Variants in HEMK2 observed in about 807,000 individuals in gnomAD.
HEMK2 encodes the protein methyltransferase HEMK2.
At chr21:28,755,968 T>A in the HEMK2 span, among the ~76,000 whole-genome samples, 1 of 152,196 alleles carries the variant, frequency 6.6e-6, no homozygotes, top group African/African-American at 2.4e-5. Flanking sequence ...TTAAAATATA[T>A]GTGTGAGCCC....
At chr21:28,802,061 G>C in the HEMK2 span, among the ~76,000 whole-genome samples, 1 of 152,160 alleles carries the variant, frequency 6.6e-6, no homozygotes, top group South Asian at 2.1e-4. Flanking sequence ...GCAAAATGAT[G>C]AGTGTACAAA....
the HEMK2 span, among the ~76,000 whole-genome samples, chr21:28,704,557 C>CA: frequency 0.065 from 8,354 of 129,086 alleles, 294 homozygotes; most frequent in Non-Finnish European, 0.099. Context: ...AAGGTTTTGG[C>CA]AAAAAAAAAA....
chr21:28,809,833 A>T, the HEMK2 span, among the ~76,000 whole-genome samples: 63 of 152,308 alleles, frequency 4.1e-4, 1 homozygote, highest in African/African-American at 1.4e-3. Flanking sequence ...ATCTATCTTG[A>T]TGCCATCCAA....
the HEMK2 span, among the ~76,000 whole-genome samples, chr21:28,606,176 G>C: frequency 6.6e-6 from 1 of 152,148 alleles, no homozygotes; most frequent in Admixed American, 6.5e-5. Context: ...GTAACATGGC[G>C]GGCAATCCAA....
the HEMK2 span, among the ~76,000 whole-genome samples, chr21:28,877,805 C>T: frequency 1.3e-5 from 2 of 151,946 alleles, no homozygotes; most frequent in African/African-American, 4.8e-5. Context: ...AAAATCTATA[C>T]AATTAAATAG....
At chr21:28,792,922 T>A in the HEMK2 span, among the ~76,000 whole-genome samples, 1 of 152,238 alleles carries the variant, frequency 6.6e-6, no homozygotes, top group East Asian at 1.9e-4. Flanking sequence ...CCCAGAGGAT[T>A]CAATGTGCAA....
the HEMK2 span, among the ~76,000 whole-genome samples, chr21:28,677,910 C>A: frequency 6.6e-6 from 1 of 152,158 alleles, no homozygotes; most frequent in Non-Finnish European, 1.5e-5. Flanking sequence ...TCACCATCAT[C>A]AAAGACCAAA....
At chr21:28,830,419 CG>C in the HEMK2 span, among the ~76,000 whole-genome samples, 35 of 152,278 alleles carry the variant, frequency 2.3e-4, no homozygotes, top group Non-Finnish European at 4.1e-4. Flanking sequence ...TCTGCCATGA[CG>C]GTAAGTTTCC....
chr21:28,772,246 A>T, the HEMK2 span, among the ~76,000 whole-genome samples: 3 of 152,216 alleles, frequency 2.0e-5, no homozygotes, highest in Admixed American at 2.0e-4. Flanking sequence ...TCAAAGAATG[A>T]TAAGGCAACT....
the HEMK2 span, among the ~76,000 whole-genome samples, chr21:28,684,110 A>G: frequency 1.3e-5 from 2 of 152,210 alleles, no homozygotes; most frequent in Admixed American, 1.3e-4. Context: ...TCCATTCCAC[A>G]TGCACCTATA....
chr21:28,870,566 A>G, the HEMK2 span, among the ~76,000 whole-genome samples: 1 of 151,832 alleles, frequency 6.6e-6, no homozygotes, highest in Non-Finnish European at 1.5e-5. Flanking sequence ...CACACTCGCT[A>G]ATTTTTTTAT....
chr21:28,643,308 C>T, the HEMK2 span, among the ~76,000 whole-genome samples: 9 of 152,032 alleles, frequency 5.9e-5, no homozygotes, highest in Non-Finnish European at 1.3e-4. Context: ...GGGGTAGAGC[C>T]CTCATAAATG....
At chr21:28,773,116 C>A in the HEMK2 span, among the ~76,000 whole-genome samples, 1 of 152,164 alleles carries the variant, frequency 6.6e-6, no homozygotes, top group African/African-American at 2.4e-5. Flanking sequence ...GCCTCTCCTG[C>A]TCTAGACTTA....
the HEMK2 span, among the ~76,000 whole-genome samples, chr21:28,823,885 G>A: frequency 2.0e-5 from 3 of 152,076 alleles, no homozygotes; most frequent in African/African-American, 7.2e-5. Flanking sequence ...GTTTCTAGAA[G>A]GTTTCTAAAA....
chr21:28,862,166 C>T, the HEMK2 span, among the ~76,000 whole-genome samples: 1 of 152,168 alleles, frequency 6.6e-6, no homozygotes, highest in East Asian at 1.9e-4. Flanking sequence ...ATTAGGGTGT[C>T]TCTTAGTATT....
chr21:28,693,985 A>G, the HEMK2 span, among the ~76,000 whole-genome samples: 4 of 152,248 alleles, frequency 2.6e-5, no homozygotes, highest in African/African-American at 9.6e-5. Context: ...AAATTTATTT[A>G]CAAATGTATG....
the HEMK2 span, among the ~76,000 whole-genome samples, chr21:28,713,025 G>A: frequency 6.6e-6 from 1 of 152,186 alleles, no homozygotes; most frequent in Non-Finnish European, 1.5e-5. Flanking sequence ...AAATATGTCT[G>A]CAAGTAAATA....
chr21:28,711,121 T>A, the HEMK2 span, among the ~76,000 whole-genome samples: 85 of 152,302 alleles, frequency 5.6e-4, 1 homozygote, highest in East Asian at 0.016. Flanking sequence ...AAACTCTAAG[T>A]ACTTTTAATT....
chr21:28,740,877 CTA>C, the HEMK2 span, among the ~76,000 whole-genome samples: 265 of 152,234 alleles, frequency 1.7e-3, 1 homozygote, highest in African/African-American at 6.0e-3. Context: ...TGGAACCTGA[CTA>C]TGGATAAGTA....
Sources: gnomAD v4.1 joint callset for allele counts (sites outside exome capture counted in the v4.1 genomes callset) on GRCh38, gnomAD v4.1.1 for gene constraint, MANE v1.5 for transcripts, NCBI Gene and HGNC (gene_info 2026-07-23, HGNC 2026-07-21) for gene names.